The following PLEKHA5 variants were observed in gnomAD, a reference collection of about 807,000 sequenced individuals.
PLEKHA5 encodes the protein pleckstrin homology domain-containing family A member 5.
In PLEKHA5, 55 loss-of-function variants were observed where a neutral mutation model predicts 181.9. That is an observed-to-expected ratio of 0.30 (90% CI 0.24 to 0.38). The LOEUF is 0.38. PLEKHA5 is among the 10% of genes least tolerant of loss of function. PLEKHA5 has a pLI of 1.00. For synonymous variants in PLEKHA5, 535 were observed against 529.4 expected, an observed-to-expected ratio of 1.01 and a Z score of -0.15; for missense variants, 1,432 against 1,549.5, an observed-to-expected ratio of 0.92 and a Z score of 1.27.
intron 21 of PLEKHA5, among the ~76,000 whole-genome samples, chr12:19,340,419 C>T (rs2093783809): frequency 2.9e-5 from 4 of 139,808 alleles, no homozygotes; most frequent in Non-Finnish European, 4.8e-5. Flanking sequence ...GTGAGGGGCG[C>T]CTCTGCCCGG....
intron 18 of PLEKHA5, among the ~76,000 whole-genome samples, chr12:19,321,356 TTTTC>T (rs199731497): frequency 0.42 from 30,113 of 72,240 alleles, 7,955 homozygotes; most frequent in Non-Finnish European, 0.61. Flanking sequence ...TTTTCTTTTC[TTTTC>T]TTTTTTTTTT....
intron 3 of PLEKHA5, among the ~76,000 whole-genome samples, chr12:19,244,544 T>A (rs775499821): frequency 1.3e-5 from 2 of 152,178 alleles, no homozygotes; most frequent in African/African-American, 2.4e-5. Flanking sequence ...TTGCCAGGAG[T>A]GGCAGAAGAA....
intron 11 of PLEKHA5, among the ~76,000 whole-genome samples, chr12:19,279,737 T>C (rs1174000949): frequency 6.6e-6 from 1 of 151,100 alleles, no homozygotes; most frequent in African/African-American, 2.4e-5. Flanking sequence ...CTGCCCCCAA[T>C]ATTCTGAAAG....
chr12:19,348,332 T>C, intron 24 of PLEKHA5, 67 bp from the exon 25 acceptor site: 2 of 1,210,350 alleles, frequency 1.7e-6, no homozygotes, highest in Non-Finnish European at 2.3e-6. Context: ...TTTGTGTCTT[T>C]AGCAGTAAAC....
intron 20 of PLEKHA5, among the ~76,000 whole-genome samples, chr12:19,327,935 A>G (rs2092407126): frequency 6.6e-6 from 1 of 152,140 alleles, no homozygotes; most frequent in Admixed American, 6.5e-5. Context: ...GTGAGCCACC[A>G]TGCCTGGCTA....
chr12:19,307,700 CAGAG>C, intron 15 of PLEKHA5: 1 of 344,096 alleles, frequency 2.9e-6, no homozygotes, highest in Non-Finnish European at 5.8e-6. Flanking sequence ...GATCTCATTC[CAGAG>C]AGAGAGGCAG....
intron 3 of PLEKHA5, chr12:19,207,118 A>G (rs2055744295): frequency 6.6e-6 from 1 of 152,174 alleles, no homozygotes; most frequent in African/African-American, 2.4e-5. Flanking sequence ...CTAATCTCAG[A>G]AATACATATT....
intron 3 of PLEKHA5, among the ~76,000 whole-genome samples, chr12:19,185,892 A>T (rs756513732): frequency 1.7e-4 from 26 of 152,218 alleles, no homozygotes; most frequent in Non-Finnish European, 3.7e-4. Flanking sequence ...AGGGGATGGG[A>T]TATTTTTATT....
chr12:19,164,869 A>T (rs940810146), intron 3 of PLEKHA5, among the ~76,000 whole-genome samples: 3 of 151,768 alleles, frequency 2.0e-5, no homozygotes, highest in Non-Finnish European at 4.4e-5. Flanking sequence ...TTCCATTTCT[A>T]CTTGCGGATG....
chr12:19,334,790 T>C lies in PLEKHA5; in HGVS notation c.2449-1725T>C, dbSNP rs146442250. ...TGAGACCAGCAGTTAGAGAGCAACC[T>C]GGGCAACATGGCAAAATCCTGTCTT... On this transcript the variant is annotated intron_variant, in intron 20 of 31. Transcript: ENST00000429027. Among the ~76,000 whole-genome samples, 920 of 113,940 alleles carry C rather than the reference T, an allele frequency of 8.1e-3. 13 individuals are homozygous for C. The highest frequency in any genetic ancestry group is 0.028 in the African/African-American group (890 of 31,344). 74.7% of individuals were successfully genotyped at this position (113,940 alleles called of 152,430 possible).
At chr12:19,335,030 GT>G (rs11461419) in intron 20 of PLEKHA5, among the ~76,000 whole-genome samples, 4 of 92,622 alleles carry the variant, frequency 4.3e-5, no homozygotes, top group East Asian at 3.7e-4. Flanking sequence ...TCAGTTTTTT[GT>G]TTTTTTTTTT....
intron 5 of PLEKHA5, among the ~76,000 whole-genome samples, chr12:19,257,035 T>C (rs1257270412): frequency 6.6e-6 from 1 of 152,188 alleles, no homozygotes; most frequent in Non-Finnish European, 1.5e-5. Flanking sequence ...TAATTGAACC[T>C]GCACTATTAA....
chr12:19,130,078 G>A lies in PLEKHA5; in HGVS notation c.117G>A (p.Leu39=). 1 of 1,590,866 alleles carries A rather than the reference G, an allele frequency of 6.3e-7. No individual in the cohort carries two copies. Among genetic ancestry groups the A allele is most frequent in the African/African-American group, 1.4e-5 (1 of 73,548 alleles). Reference sequence around the variant, plus strand: ...AGGAGGCCAAGAGCACCACCTGGCTGCACCCCGTCACCGGCGAGGCGGTGG... The same window carrying A: ...AGGAGGCCAAGAGCACCACCTGGCTACACCCCGTCACCGGCGAGGCGGTGG... ...INEEAKSTTW[L]HPVTGEAVVT... is the part of the protein sequence containing the mutation. Residue 39 remains leucine, a synonymous_variant, in exon 2 of 32, where the codon CTG becomes CTA. Transcript: ENST00000429027. This position sits in a 1 kb window ranked among gnomAD's most constrained non-coding sequence, Gnocchi z 4.5.
At chr12:19,357,010 T>G (rs191289561) in intron 26 of PLEKHA5, among the ~76,000 whole-genome samples, 1 of 107,984 alleles carries the variant, frequency 9.3e-6, no homozygotes, top group East Asian at 2.1e-4. Context: ...TTTCGTAGTT[T>G]TATTACTGAT....
At chr12:19,243,470 T>G (rs2063063874) in intron 3 of PLEKHA5, 1 of 152,210 alleles carries the variant, frequency 6.6e-6, no homozygotes, top group African/African-American at 2.4e-5. Context: ...TGCTTAAGGG[T>G]AGCTGTTATG....
intron 12 of PLEKHA5, among the ~76,000 whole-genome samples, chr12:19,284,638 A>G (rs1005282040): frequency 2.0e-5 from 3 of 152,222 alleles, no homozygotes; most frequent in African/African-American, 7.2e-5. Flanking sequence ...ATTGCTTAGT[A>G]TAGATTATTT....
chr12:19,215,247 T>C (rs1333997258), intron 3 of PLEKHA5, among the ~76,000 whole-genome samples: 1 of 152,200 alleles, frequency 6.6e-6, no homozygotes, highest in East Asian at 1.9e-4. Context: ...TACTTGGAAC[T>C]TCCTTGTCAG....
rs139120327 is a variant in PLEKHA5 at position 19,289,280 on chromosome 12, C to T, written c.1864-1397C>T. Among the ~76,000 whole-genome samples, 305 of 152,310 alleles carry T rather than the reference C, an allele frequency of 2.0e-3. 1 individual carries two copies. The highest frequency in any genetic ancestry group is 3.7e-3 in the Non-Finnish European group (249 of 68,018). On this transcript the variant is annotated intron_variant, in intron 13 of 31. Transcript: ENST00000429027. ...TTTTATCTAAGGAATCCAATAGTAA[C>T]TTCTGCTAACACTTTTTCTTCTGAA...
At chr12:19,245,383 G>A (rs1346320862) in intron 3 of PLEKHA5, among the ~76,000 whole-genome samples, 3 of 152,060 alleles carry the variant, frequency 2.0e-5, no homozygotes, top group Non-Finnish European at 4.4e-5. Context: ...GAGTTAGCTC[G>A]CTCACCATAG....
Sources: gnomAD v4.1 joint callset for allele counts (sites outside exome capture counted in the v4.1 genomes callset) on GRCh38, gnomAD v4.1.1 for gene constraint, Gnocchi (gnomAD v3.1) non-coding constraint, MANE v1.5 for transcripts, NCBI Gene and HGNC (gene_info 2026-07-23, HGNC 2026-07-21) for gene names.